Variants in GPR158 observed in about 807,000 individuals in gnomAD.
GPR158 encodes the protein metabotropic glycine receptor.
GPR158 carries 30 observed loss-of-function variants against 78.2 expected under a neutral mutation model. The observed-to-expected ratio is 0.38, with a 90% CI of 0.29 to 0.52. The LOEUF is 0.52. Among genes scored for constraint, GPR158 ranks in the 20% least tolerant of loss-of-function variants. GPR158 has a pLI of 0.83. For synonymous variants in GPR158, 581 were observed against 591.1 expected (o/e 0.98, Z 0.25); for missense variants, 1,463 against 1,523.5 (o/e 0.96, Z 0.66).
intron 5 of GPR158, among the ~76,000 whole-genome samples, chr10:25,481,473 T>A (rs753327819): frequency 6.6e-6 from 1 of 152,138 alleles, no homozygotes; most frequent in Non-Finnish European, 1.5e-5. Flanking sequence ...AGCTAGAAAT[T>A]CTGTCAAGGA....
intron 5 of GPR158, among the ~76,000 whole-genome samples, chr10:25,535,416 A>AC (rs1265442508): frequency 2.6e-5 from 4 of 152,128 alleles, no homozygotes. Flanking sequence ...ATGGCCTCCA[A>AC]CCCACAGCCA....
chr10:25,502,148 G>GA (rs1835951869), intron 5 of GPR158, among the ~76,000 whole-genome samples: 1 of 152,142 alleles, frequency 6.6e-6, no homozygotes, highest in Non-Finnish European at 1.5e-5. Flanking sequence ...TCCAAAGCAG[G>GA]AATGCCTGAG....
At chr10:25,199,526 C>G (rs1852890758) in intron 1 of GPR158, among the ~76,000 whole-genome samples, 1 of 152,098 alleles carries the variant, frequency 6.6e-6, no homozygotes, top group African/African-American at 2.4e-5. Context: ...TGTTTTTGCA[C>G]CCAAATCTCA....
intron 1 of GPR158, among the ~76,000 whole-genome samples, chr10:25,203,210 T>A (rs1852961660): frequency 6.6e-6 from 1 of 152,254 alleles, no homozygotes; most frequent in Non-Finnish European, 1.5e-5. Context: ...GGTTGCCTGT[T>A]CACTCTGATG....
chr10:25,215,417 G>T lies in GPR158; in HGVS notation c.903-5635G>T, dbSNP rs185349434. 3.9e-5 allele frequency among the ~76,000 whole-genome samples: 6 copies of T among 152,308 alleles called. No homozygotes were observed. The East Asian group carries it at 1.2e-3, about 29-fold the overall frequency. On this transcript the variant is annotated intron_variant, in intron 1 of 10. Coordinates refer to ENST00000376351, the MANE Select transcript of GPR158 (RefSeq NM_020752.3). ...TTAAAGGGAACAGAGTTTCAGTTTT[G>T]CAAGACGAAAAGAGTTCTCAAGATT...
At chr10:25,209,261 T>C (rs1853095385) in intron 1 of GPR158, among the ~76,000 whole-genome samples, 1 of 152,250 alleles carries the variant, frequency 6.6e-6, no homozygotes, top group South Asian at 2.1e-4. Flanking sequence ...TAGATCTATG[T>C]ACCACTCTAT....
At chr10:25,584,908 C>A (rs140368732) in intron 7 of GPR158, among the ~76,000 whole-genome samples, 3 of 152,308 alleles carry the variant, frequency 2.0e-5, no homozygotes, top group African/African-American at 7.2e-5. Context: ...GCGGCCTGAG[C>A]ATTCAACTTT....
intron 2 of GPR158, among the ~76,000 whole-genome samples, chr10:25,320,022 C>G (rs1374195097): frequency 6.6e-6 from 1 of 152,192 alleles, no homozygotes; most frequent in African/African-American, 2.4e-5. Flanking sequence ...ATCCAACCCC[C>G]TCAAGTCACA....
At chr10:25,284,986 T>C (rs1206284723) in intron 2 of GPR158, among the ~76,000 whole-genome samples, 4 of 152,186 alleles carry the variant, frequency 2.6e-5, no homozygotes, top group Non-Finnish European at 5.9e-5. Context: ...TTATTTAGGC[T>C]GTTAGTTATC....
At chr10:25,467,186 G>A (rs1039529260) in intron 5 of GPR158, among the ~76,000 whole-genome samples, 1 of 152,188 alleles carries the variant, frequency 6.6e-6, no homozygotes, top group African/African-American at 2.4e-5. Flanking sequence ...ACATTTTCTG[G>A]TTGACAATTG....
At chr10:25,429,351 A>G (rs184112515) in intron 4 of GPR158, among the ~76,000 whole-genome samples, 162 of 152,244 alleles carry the variant, frequency 1.1e-3, no homozygotes, top group Non-Finnish European at 1.5e-4. Flanking sequence ...TGAAAAATAT[A>G]TGGCCTCCAT....
At chr10:25,419,883 T>C (rs1241442621) in intron 4 of GPR158, among the ~76,000 whole-genome samples, 3 of 152,214 alleles carry the variant, frequency 2.0e-5, no homozygotes, top group East Asian at 3.8e-4. Flanking sequence ...CTTGATGTTG[T>C]ACATTCTGTG....
chr10:25,509,195 A>C (rs149654075), intron 5 of GPR158, among the ~76,000 whole-genome samples: 4 of 152,298 alleles, frequency 2.6e-5, no homozygotes, highest in Non-Finnish European at 2.9e-5. Flanking sequence ...GGACATTTTC[A>C]CATGTCACCT....
intron 3 of GPR158, among the ~76,000 whole-genome samples, chr10:25,399,240 C>T (rs147711748): frequency 1.3e-5 from 2 of 152,238 alleles, no homozygotes; most frequent in East Asian, 3.9e-4. Flanking sequence ...GGAAACTGCT[C>T]TCATGATTTA....
chr10:25,504,135 C>T (rs1362042329), intron 5 of GPR158, among the ~76,000 whole-genome samples: 2 of 152,218 alleles, frequency 1.3e-5, no homozygotes, highest in African/African-American at 4.8e-5. Flanking sequence ...AAGTGATCCA[C>T]TTGCCTCAGC....
chr10:25,572,875 A>G lies in GPR158; in HGVS notation c.1741A>G (p.Met581Val), dbSNP rs769239204. ...NMCLIDRWDY[M>V]TAVAEFLFLL... ...GTGCCTCATTGACCGCTGGGACTACATGACAGCAGTTGGTATGTGGTCACT... is the reference window on the plus strand; with the variant it reads ...GTGCCTCATTGACCGCTGGGACTACGTGACAGCAGTTGGTATGTGGTCACT... Residue 581 changes from methionine (M) to valine (V), a missense_variant, in exon 7 of 11, where the codon ATG becomes GTG. By Grantham distance (21) the Met-to-Val change is conservative. Coordinates refer to ENST00000376351, the MANE Select transcript of GPR158 (RefSeq NM_020752.3). 8.2e-6 allele frequency: 13 copies of G among 1,590,414 alleles called. 1 individual carries two copies. Among genetic ancestry groups the G allele is most frequent in the East Asian group, 2.2e-5 (1 of 44,772 alleles).
chr10:25,228,979 G>A (rs1397016518), intron 2 of GPR158, among the ~76,000 whole-genome samples: 1 of 150,940 alleles, frequency 6.6e-6, no homozygotes, highest in African/African-American at 2.4e-5. Context: ...GGTTTACAGT[G>A]AGCTGAGATC....
intron 5 of GPR158, among the ~76,000 whole-genome samples, chr10:25,491,621 AT>A (rs1430822176): frequency 6.6e-6 from 1 of 152,188 alleles, no homozygotes; most frequent in East Asian, 1.9e-4. Flanking sequence ...AATTTTAAAC[AT>A]GTAATTCTTG....
At chr10:25,422,624 T>C (rs1834765863) in intron 4 of GPR158, among the ~76,000 whole-genome samples, 1 of 60,508 alleles carries the variant, frequency 1.7e-5, no homozygotes, top group Middle Eastern at 8.3e-3. Flanking sequence ...TTTCATTGTA[T>C]TTGCAAAAAA....
Sources: allele counts gnomAD v4.1 joint callset (sites outside exome capture counted in the v4.1 genomes callset), GRCh38; gene constraint gnomAD v4.1.1; transcripts MANE v1.5; gene names NCBI Gene and HGNC (gene_info 2026-07-23, HGNC 2026-07-21).